FAM193A: variants seen among roughly 807,000 people sequenced by gnomAD.
The protein encoded by FAM193A is protein FAM193A.
A neutral mutation model predicts 126.5 loss-of-function variants in FAM193A; 22 were observed. The ratio of observed to expected loss-of-function variants is 0.17; its 90% confidence interval spans 0.12 to 0.25. FAM193A has a LOEUF of 0.25. Ranked by LOEUF, FAM193A falls within the 10% of genes least tolerant of loss-of-function variation. FAM193A has a pLI of 1.00. For synonymous variants in FAM193A, 761 were observed against 646.8 expected, an observed-to-expected ratio of 1.18 and a Z score of -2.68; for missense variants, 1,675 against 1,672.8, an observed-to-expected ratio of 1.00 and a Z score of -0.02.
chr4:2,729,382 G>C (rs12509910), intron 20 of FAM193A, among the ~76,000 whole-genome samples: 52,599 of 151,974 alleles, frequency 0.35, 10,165 homozygotes, highest in Admixed American at 0.51. Context: ...GGAGGAATTG[G>C]GAGAAGGGAC....
chr4:2,664,219 A>C (rs1283655681), intron 12 of FAM193A, among the ~76,000 whole-genome samples: 1 of 152,186 alleles, frequency 6.6e-6, no homozygotes, highest in South Asian at 2.1e-4. Context: ...TAGAAGATTT[A>C]TAATTTTAGT....
intron 13 of FAM193A, among the ~76,000 whole-genome samples, chr4:2,681,802 T>A (rs1017212139): frequency 6.6e-6 from 1 of 152,080 alleles, no homozygotes; most frequent in South Asian, 2.1e-4. Flanking sequence ...TGTTTTTTGA[T>A]GTGTTTGTAG....
chr4:2,581,231 C>G (rs2108878915), intron 1 of FAM193A, among the ~76,000 whole-genome samples: 1 of 149,422 alleles, frequency 6.7e-6, no homozygotes, highest in African/African-American at 2.4e-5. Context: ...CATATTCTCT[C>G]TTCCTGAAAT....
Position 2,696,469 on chromosome 4 carries a change from C to T in FAM193A, c.3383C>T (p.Ser1128Leu). The change falls in exon 18 of 21, where the codon TCA becomes TTA. Residue 1128 changes from serine to leucine, a missense_variant. Transcript: ENST00000637812. ...EEQPKKMDQI[S>L]ERESVVDHRR... ...CAACCTAAAAAAATGGACCAGATCT[C>T]AGAAAGGGAAAGCGTCGTTGACCAT... The T allele has an allele frequency of 6.2e-7, 1 of 1,614,198 alleles. No homozygotes were observed.
At chr4:2,714,170 T>A (rs1719295782) in intron 19 of FAM193A, among the ~76,000 whole-genome samples, 2 of 152,122 alleles carry the variant, frequency 1.3e-5, no homozygotes, top group African/African-American at 4.8e-5. Context: ...TTTTTGTACA[T>A]CTGTAAATGC....
chr4:2,558,288 GGAAA>G (rs1738388041), intron 1 of FAM193A, among the ~76,000 whole-genome samples: 1 of 149,168 alleles, frequency 6.7e-6, no homozygotes, highest in African/African-American at 2.5e-5. Flanking sequence ...AAAAAAAAAA[GGAAA>G]GAAAAAAATA....
chr4:2,653,846 A>G lies in FAM193A; in HGVS notation c.1312-3957A>G, dbSNP rs897251354. ...GAGCCACTTTAGTAACATCCAGAGAATAATAGTCATTCTGGAACCATGTAT... is the reference window on the plus strand; with the variant it reads ...GAGCCACTTTAGTAACATCCAGAGAGTAATAGTCATTCTGGAACCATGTAT... On this transcript the variant is annotated intron_variant, in intron 7 of 20. Transcript: ENST00000637812. Among the ~76,000 whole-genome samples, 5 of 152,258 alleles carry G rather than the reference A, an allele frequency of 3.3e-5. No individual in the cohort carries two copies. The East Asian group carries it at 9.6e-4, about 29-fold the overall frequency.
intron 5 of FAM193A, among the ~76,000 whole-genome samples, chr4:2,631,377 T>G (rs1255502651): frequency 2.6e-5 from 4 of 152,052 alleles, no homozygotes; most frequent in Non-Finnish European, 4.4e-5. Flanking sequence ...ATTGGGTGGA[T>G]TGATAAGCAG....
At chr4:2,724,189 A>G (rs201997129) in intron 20 of FAM193A, among the ~76,000 whole-genome samples, 50 of 152,328 alleles carry the variant, frequency 3.3e-4, no homozygotes, top group East Asian at 1.3e-3. Flanking sequence ...TCTAATTTCA[A>G]TCAGCTTTGA....
intron 19 of FAM193A, among the ~76,000 whole-genome samples, chr4:2,705,903 A>T (rs1718248277): frequency 6.6e-6 from 1 of 152,066 alleles, no homozygotes; most frequent in Non-Finnish European, 1.5e-5. Context: ...ACCAGTTATT[A>T]GAAAGTTCAT....
chr4:2,543,829 C>T (rs1403069767), intron 1 of FAM193A, among the ~76,000 whole-genome samples: 1 of 125,620 alleles, frequency 8.0e-6, no homozygotes, highest in African/African-American at 2.9e-5. Flanking sequence ...GAGATCACAC[C>T]ATTGCACTTC....
At chr4:2,641,237 G>A (rs1358774969) in intron 6 of FAM193A, among the ~76,000 whole-genome samples, 2 of 151,286 alleles carry the variant, frequency 1.3e-5, no homozygotes, top group African/African-American at 4.8e-5. Flanking sequence ...AGTAGAGACG[G>A]GGTTTCACCA....
In FAM193A at chr4:2,699,442, C is replaced by CCCG. The variant is rs1717423527; in HGVS notation, c.3508-236_3508-235insGCC. ...GAATTTTTTGTTAACTACCACCCCCCCCCCCACACACACACACACAAATAA... is the reference window on the plus strand; with the variant it reads ...GAATTTTTTGTTAACTACCACCCCCCCCGCCCCCACACACACACACACAAATAA... On this transcript the variant is annotated intron_variant, in intron 18 of 20. Transcript: ENST00000637812. Among the ~76,000 whole-genome samples the CCCG allele has an allele frequency of 2.3e-5, 2 of 85,522 alleles. 1 individual carries two copies. Among genetic ancestry groups the CCCG allele is most frequent in the Non-Finnish European group, 5.1e-5 (2 of 38,854 alleles). 56.1% of individuals were successfully genotyped at this position (85,522 alleles called of 152,430 possible).
chr4:2,640,220 C>G (rs1744477604), intron 6 of FAM193A, among the ~76,000 whole-genome samples: 1 of 152,110 alleles, frequency 6.6e-6, no homozygotes, highest in Admixed American at 6.5e-5. Flanking sequence ...GGAAGAGGCC[C>G]AGGTCTGAGG....
intron 20 of FAM193A, among the ~76,000 whole-genome samples, chr4:2,723,000 G>A (rs1472326119): frequency 2.6e-5 from 4 of 152,156 alleles, no homozygotes; most frequent in African/African-American, 7.2e-5. Flanking sequence ...TAGGCCGGGC[G>A]CAGTGGCTCG....
intron 1 of FAM193A, among the ~76,000 whole-genome samples, chr4:2,552,710 T>C (rs1297840800): frequency 6.6e-6 from 1 of 151,540 alleles, no homozygotes; most frequent in Non-Finnish European, 1.5e-5. Flanking sequence ...GCTAATTTTT[T>C]GTATTTTTAG....
chr4:2,680,400 A>G (rs1714969950), intron 13 of FAM193A, among the ~76,000 whole-genome samples: 1 of 152,040 alleles, frequency 6.6e-6, no homozygotes, highest in African/African-American at 2.4e-5. Context: ...AGCTCATTGC[A>G]GCCTCAAACT....
At position 2,592,712 on chromosome 4, in the gene FAM193A, A is replaced by G. The variant is rs567807528; in HGVS notation, c.256-3372A>G. 7.9e-5 allele frequency among the ~76,000 whole-genome samples: 12 copies of G among 152,310 alleles called. No individual in the cohort carries two copies. In the East Asian group the frequency reaches 1.7e-3, roughly 22 times the overall value. On this transcript the variant is annotated intron_variant, in intron 1 of 20. Transcript: ENST00000637812. ...GCTGAGTTGAGACTTTGGGGAGGCC[A>G]AAGTAAATTTGCAGGGCAGAGTACC...
intron 1 of FAM193A, among the ~76,000 whole-genome samples, chr4:2,579,888 A>C (rs1457696009): frequency 6.6e-6 from 1 of 152,172 alleles, no homozygotes; most frequent in Non-Finnish European, 1.5e-5. Flanking sequence ...CAAAGACCTA[A>C]AGTCAGAAAT....
Sources: gnomAD v4.1 joint callset for allele counts (sites outside exome capture counted in the v4.1 genomes callset) on GRCh38, gnomAD v4.1.1 for gene constraint, MANE v1.5 for transcripts, NCBI Gene and HGNC (gene_info 2026-07-23, HGNC 2026-07-21) for gene names.